The following GLIS3 variants were observed in gnomAD, a reference collection of about 807,000 sequenced individuals.
GLIS3 encodes the protein GLIS family zinc finger 3.
In GLIS3, 53 loss-of-function variants were observed where a neutral mutation model predicts 78.6. The observed-to-expected ratio is 0.67, with a 90% CI of 0.54 to 0.85. GLIS3 has a LOEUF of 0.85. Ranked by LOEUF, GLIS3 falls within the 40% of genes least tolerant of loss-of-function variation. The probability of loss-of-function intolerance (pLI) is 0.00; values close to 1 mark genes in which losing one functional copy is unlikely to be tolerated. For missense variants in GLIS3, 1,703 were observed against 1,231.1 expected (o/e 1.38, Z -5.74); for synonymous variants, 684 against 509.9 (o/e 1.34, Z -4.60).
intron 2 of GLIS3, among the ~76,000 whole-genome samples, chr9:4,148,673 T>A (rs1834419880): frequency 2.0e-5 from 3 of 152,078 alleles, no homozygotes; most frequent in African/African-American, 7.2e-5. Context: ...GAACAGGTAA[T>A]GCCCACACCA....
At chr9:4,288,491 G>C (rs999227302) in intron 1 of GLIS3, among the ~76,000 whole-genome samples, 3 of 22,512 alleles carry the variant, frequency 1.3e-4, no homozygotes, top group African/African-American at 1.2e-4. Flanking sequence ...AAATAAAGGA[G>C]TCATTTTTTT....
rs138359440 is a variant in GLIS3, at chr9:3,919,630, A to C, written c.1983+12730T>G. 3.7e-3 allele frequency among the ~76,000 whole-genome samples: 564 copies of C among 151,934 alleles called. 3 individuals carry two copies. Among genetic ancestry groups the C allele is most frequent in the African/African-American group, 0.013 (528 of 41,428 alleles). On this transcript the variant is annotated intron_variant, in intron 6 of 10. Coordinates refer to ENST00000381971, the MANE Select transcript of GLIS3 (RefSeq NM_001042413.2). ...AACCTGCACATGTACCCCTGAACTT[A>C]AAGTAGAAGTTAAAAAATAAAAAAA... is the stretch of plus-strand genomic sequence containing the variant.
rs545733164 is a variant in GLIS3 at position 3,977,317 on chromosome 9, A to G, written c.1711-40128T>C. Among the ~76,000 whole-genome samples, 2 of 152,346 alleles carry G rather than the reference A, an allele frequency of 1.3e-5. No homozygotes were observed. The highest frequency in any genetic ancestry group is 1.3e-4 in the Admixed American group (2 of 15,294). ...GACCGAGAGGAAAGCTCTTGGCTCT[A>G]TCAGCCTTGCCATCTCTTTGTAGCA... On this transcript the variant is annotated intron_variant, in intron 4 of 10. Coordinates refer to ENST00000381971, the MANE Select transcript of GLIS3 (RefSeq NM_001042413.2). This position sits in a 1 kb window ranked among gnomAD's most constrained non-coding sequence, Gnocchi z 4.1.
At chr9:4,386,036 C>T in the GLIS3 span, among the ~76,000 whole-genome samples, 1 of 152,150 alleles carries the variant, frequency 6.6e-6, no homozygotes, top group South Asian at 2.1e-4. Context: ...TCACTCATGG[C>T]CAACCAGTGA....
chr9:4,404,392 C>T, the GLIS3 span, among the ~76,000 whole-genome samples: 2 of 152,108 alleles, frequency 1.3e-5, no homozygotes, highest in African/African-American at 4.8e-5. Flanking sequence ...AGTCACAAAA[C>T]ATGTCATCCA....
intron 4 of GLIS3, among the ~76,000 whole-genome samples, chr9:3,968,140 GA>G (rs886236065): frequency 6.6e-6 from 1 of 152,118 alleles, no homozygotes; most frequent in African/African-American, 2.4e-5. Flanking sequence ...TTCAAAATTG[GA>G]TTTCAAATCT....
upstream of GLIS3, among the ~76,000 whole-genome samples, chr9:4,352,503 C>T (rs1214886683): frequency 6.6e-6 from 1 of 152,262 alleles, no homozygotes; most frequent in African/African-American, 2.4e-5. Context: ...TCCCTGATTC[C>T]CAGGATCAGA....
intron 2 of GLIS3, among the ~76,000 whole-genome samples, chr9:4,144,136 A>C (rs1834025538): frequency 6.6e-6 from 1 of 152,228 alleles, no homozygotes; most frequent in Non-Finnish European, 1.5e-5. Context: ...AAAGATCGAG[A>C]AACCTTGCTC....
At chr9:4,127,963 C>T (rs1257097284) in intron 2 of GLIS3, among the ~76,000 whole-genome samples, 1 of 152,138 alleles carries the variant, frequency 6.6e-6, no homozygotes, top group Non-Finnish European at 1.5e-5. Flanking sequence ...TAAAATGGCA[C>T]ATATTGTAAG....
chr9:3,961,512 T>C (rs1281008084), intron 4 of GLIS3, among the ~76,000 whole-genome samples: 1 of 152,180 alleles, frequency 6.6e-6, no homozygotes, highest in African/African-American at 2.4e-5. Flanking sequence ...CAGAATAACA[T>C]TCGTTGAAAG....
intron 8 of GLIS3, among the ~76,000 whole-genome samples, chr9:3,856,652 T>C (rs1433965320): frequency 2.0e-5 from 3 of 152,232 alleles, no homozygotes; most frequent in African/African-American, 7.2e-5. Context: ...TTGTTACAAG[T>C]CTTTATTATG....
At chr9:4,410,330 A>G in the GLIS3 span, among the ~76,000 whole-genome samples, 1 of 152,212 alleles carries the variant, frequency 6.6e-6, no homozygotes, top group Admixed American at 6.5e-5. Context: ...AGCTAGAACA[A>G]CAGAGAAGCA....
chr9:3,985,172 T>C (rs1194770081), intron 4 of GLIS3, among the ~76,000 whole-genome samples: 1 of 151,890 alleles, frequency 6.6e-6, no homozygotes, highest in East Asian at 1.9e-4. Context: ...TGAGACAGGG[T>C]CTTGCTCTGT....
At chr9:3,937,866 C>T (rs527799728) in intron 4 of GLIS3, among the ~76,000 whole-genome samples, 10 of 152,192 alleles carry the variant, frequency 6.6e-5, no homozygotes, top group African/African-American at 2.4e-4. Context: ...AAAAAAGTAC[C>T]GTAATACTTT....
At chr9:3,902,534 G>A (rs1823387733) in intron 6 of GLIS3, among the ~76,000 whole-genome samples, 1 of 152,214 alleles carries the variant, frequency 6.6e-6, no homozygotes, top group Non-Finnish European at 1.5e-5. Flanking sequence ...GTCAGGAATA[G>A]TTAAAGAAGA....
At position 4,228,306 on chromosome 9, in the gene GLIS3, T is replaced by C. The variant is rs1300049428; in HGVS notation, c.388+57732A>G. 2.6e-5 allele frequency among the ~76,000 whole-genome samples: 4 copies of C among 151,424 alleles called. No homozygotes were observed. The East Asian group carries it at 7.7e-4, about 29-fold the overall frequency. On this transcript the variant is annotated intron_variant, in intron 2 of 10. Coordinates refer to ENST00000381971, the MANE Select transcript of GLIS3 (RefSeq NM_001042413.2). ...TGCTGACGGGACCTCTAGGCACAAC[T>C]GACAAGGGAGTATAGGGGAGGAGTC... is the stretch of plus-strand genomic sequence containing the variant.
At chr9:3,988,093 T>A (rs1283922450) in intron 4 of GLIS3, among the ~76,000 whole-genome samples, 2 of 152,144 alleles carry the variant, frequency 1.3e-5, no homozygotes, top group East Asian at 1.9e-4. Context: ...CTGGGCTTTT[T>A]AATCTGTAAC....
intron 4 of GLIS3, among the ~76,000 whole-genome samples, chr9:4,059,688 A>G (rs757718799): frequency 1.3e-5 from 2 of 152,072 alleles, no homozygotes; most frequent in Non-Finnish European, 2.9e-5. Flanking sequence ...AAGTTGGGCT[A>G]CTTTCTTCTC....
intron 6 of GLIS3, among the ~76,000 whole-genome samples, chr9:3,929,153 G>C (rs896626244): frequency 6.6e-6 from 1 of 152,136 alleles, no homozygotes; most frequent in Non-Finnish European, 1.5e-5. Flanking sequence ...GGTGACTTGA[G>C]TATTTCGCTA....
Sources: gnomAD v4.1 joint callset for allele counts (sites outside exome capture counted in the v4.1 genomes callset) on GRCh38, gnomAD v4.1.1 for gene constraint, Gnocchi (gnomAD v3.1) non-coding constraint, MANE v1.5 for transcripts, NCBI Gene and HGNC (gene_info 2026-07-23, HGNC 2026-07-21) for gene names.